The following RGS9 variants were observed in gnomAD, a reference collection of about 807,000 sequenced individuals.
RGS9 encodes the protein regulator of G protein signaling 9.
A neutral mutation model predicts 102.0 loss-of-function variants in RGS9; 78 were observed. The observed-to-expected ratio is 0.76, with a 90% CI of 0.64 to 0.92. The LOEUF is 0.92. Ranked by LOEUF, RGS9 falls within the 40% of genes least tolerant of loss-of-function variation. The pLI, the probability that RGS9 is intolerant of heterozygous loss-of-function variation, is 0.00. For synonymous variants in RGS9, 353 were observed against 318.6 expected, an observed-to-expected ratio of 1.11 and a Z score of -1.15; for missense variants, 833 against 866.1, an observed-to-expected ratio of 0.96 and a Z score of 0.48.
chr17:65,199,361 C>T (rs575676203), intron 13 of RGS9, among the ~76,000 whole-genome samples: 5 of 152,214 alleles, frequency 3.3e-5, no homozygotes, highest in African/African-American at 4.8e-5. Flanking sequence ...TCTACCCCTA[C>T]GGATTCACCT....
intron 8 of RGS9, among the ~76,000 whole-genome samples, chr17:65,169,829 C>A (rs914230578): frequency 1.3e-5 from 2 of 151,996 alleles, no homozygotes; most frequent in Non-Finnish European, 2.9e-5. Context: ...TGCCTCCCCC[C>A]CAGCCCATCT....
rs146288731 is a variant in RGS9, at chr17:65,174,660, A to T, written c.583-3072A>T. ...CAGTATGCACGTGTGTGAGTGTGTGAATGTGTTATGTGTGAGCATGCATAT... is the reference window on the plus strand; with the variant it reads ...CAGTATGCACGTGTGTGAGTGTGTGTATGTGTTATGTGTGAGCATGCATAT... On this transcript the variant is annotated intron_variant, in intron 8 of 18. Coordinates refer to ENST00000262406, the MANE Select transcript of RGS9 (RefSeq NM_003835.4). Among the ~76,000 whole-genome samples the T allele has an allele frequency of 1.5e-4, 22 of 151,522 alleles. No homozygotes were observed. The East Asian group carries it at 4.3e-3, about 30-fold the overall frequency.
chr17:65,210,183 T>TA (rs753727738), intron 16 of RGS9, among the ~76,000 whole-genome samples: 14 of 152,200 alleles, frequency 9.2e-5, no homozygotes, highest in Non-Finnish European at 1.0e-4. Context: ...ATGAAGATGT[T>TA]ACAAAAAGTT....
At chr17:65,168,724 T>C (rs1431298111) in intron 8 of RGS9, among the ~76,000 whole-genome samples, 1 of 152,026 alleles carries the variant, frequency 6.6e-6, no homozygotes, top group Non-Finnish European at 1.5e-5. Flanking sequence ...CTTTTTCCTC[T>C]CCTAGATCCA....
intron 8 of RGS9, among the ~76,000 whole-genome samples, chr17:65,172,370 AT>A (rs992281090): frequency 6.6e-6 from 1 of 151,882 alleles, no homozygotes; most frequent in Non-Finnish European, 1.5e-5. Flanking sequence ...CACCTGGCTA[AT>A]TTTTGTATTT....
At chr17:65,200,947 A>G (rs190185770) in intron 13 of RGS9, among the ~76,000 whole-genome samples, 1 of 152,342 alleles carries the variant, frequency 6.6e-6, no homozygotes. Context: ...GGCCTCTGGT[A>G]AACAGTAGGC....
chr17:65,138,437 C>G (rs181992591), intron 1 of RGS9, among the ~76,000 whole-genome samples: 11 of 152,212 alleles, frequency 7.2e-5, no homozygotes, highest in Non-Finnish European at 1.6e-4. Context: ...TCTCCCTGAG[C>G]CCCTGGAGCT....
rs1358743775 is a variant in RGS9 at position 65,152,374 on chromosome 17, C to A, written c.58-1048C>A. The stretch of plus-strand genomic sequence containing the variant: ...GGAAGGGGGTCCCGAACATGTAGAC[C>A]AGTAGGGGAACTTTATCATTTACTT... On this transcript the variant is annotated intron_variant, in intron 1 of 18. Transcript: ENST00000262406. Among the ~76,000 whole-genome samples, 3 of 152,102 alleles carry A rather than the reference C, an allele frequency of 2.0e-5. No homozygotes were observed. In the East Asian group the frequency reaches 5.8e-4, roughly 29 times the overall value.
At chr17:65,189,114 A>G in intron 9 of RGS9, 172 bp from the exon 10 acceptor site, 1 of 631,132 alleles carries the variant, frequency 1.6e-6, no homozygotes, top group Non-Finnish European at 2.8e-6. Context: ...TTTATTCCCC[A>G]GGGGTTACAT....
chr17:65,137,780 G>C (rs929787284), intron 1 of RGS9, among the ~76,000 whole-genome samples, 183 bp downstream of exon 1: 3 of 152,190 alleles, frequency 2.0e-5, no homozygotes, highest in Non-Finnish European at 4.4e-5. Flanking sequence ...TTAGGTTTTC[G>C]TGTGCCCTGC....
intron 12 of RGS9, 32 bp from the exon 13 acceptor site, chr17:65,197,094 C>T (rs372850842): frequency 6.7e-5 from 103 of 1,533,022 alleles, no homozygotes; most frequent in Non-Finnish European, 8.1e-5. Context: ...CAACCGCTAC[C>T]TCTCTGGTGC....
Position 65,201,978 on chromosome 17 carries a change from C to G in RGS9, c.977-15C>G, listed in dbSNP as rs752487434. On this transcript the variant is annotated splice_polypyrimidine_tract_variant and intron_variant, in intron 13 of 18. Coordinates refer to ENST00000262406, the MANE Select transcript of RGS9 (RefSeq NM_003835.4). Reference sequence around the variant, plus strand: ...CCTGCCCGGCCCTCATCCACGTGGACTTCTCACCATGCAGGAGAGAATCTG... The same window carrying G: ...CCTGCCCGGCCCTCATCCACGTGGAGTTCTCACCATGCAGGAGAGAATCTG... 1.3e-6 allele frequency: 2 copies of G among 1,580,082 alleles called. No individual in the cohort carries two copies. The highest frequency in any genetic ancestry group is 2.7e-5 in the African/African-American group (2 of 74,308).
At chr17:65,144,914 AGT>A (rs1211277704) in intron 1 of RGS9, among the ~76,000 whole-genome samples, 1 of 152,140 alleles carries the variant, frequency 6.6e-6, no homozygotes, top group Non-Finnish European at 1.5e-5. Context: ...CTGAGATCAA[AGT>A]GTGGCACGGT....
intron 17 of RGS9, among the ~76,000 whole-genome samples, chr17:65,215,196 GGGTGGT>G (rs1286863340): frequency 6.6e-6 from 1 of 152,110 alleles, no homozygotes; most frequent in Non-Finnish European, 1.5e-5. Context: ...TGGATTAGGA[GGGTGGT>G]GGTGGGTTCA....
chr17:65,170,450 C>T (rs891918469), intron 8 of RGS9, among the ~76,000 whole-genome samples: 4 of 152,168 alleles, frequency 2.6e-5, no homozygotes, highest in Admixed American at 6.5e-5. Flanking sequence ...AAGGATGCTG[C>T]TAATTTGCCC....
chr17:65,200,455 C>T (rs1192455384), intron 13 of RGS9, among the ~76,000 whole-genome samples: 1 of 152,198 alleles, frequency 6.6e-6, no homozygotes, highest in Non-Finnish European at 1.5e-5. Context: ...CGAATAATTG[C>T]TTATTTAATT....
At position 65,202,408 on chromosome 17, in the gene RGS9, G is replaced by GGTGTGT. The variant is rs746368093; in HGVS notation, c.1064+360_1064+365dup. ...TAAAGCCTTCTTAGGTGTCCTGAGG[G>GGTGTGT]GTGTGTGTGTGTGTGTGTGTGTGTG... On this transcript the variant is annotated intron_variant, in intron 14 of 18. Transcript: ENST00000262406. Among the ~76,000 whole-genome samples, 754 of 132,266 alleles carry GGTGTGT rather than the reference G, an allele frequency of 5.7e-3. 9 individuals carry two copies. The highest frequency in any genetic ancestry group is 0.02 in the African/African-American group (640 of 31,996). The allele number at this position is 132,266 out of a possible 152,430, so 86.8% of individuals were successfully genotyped here. A position where few individuals can be genotyped will look rare whatever the true frequency, so the allele number is the denominator to read the frequency against.
In RGS9 at chr17:65,225,149, A is replaced by G. The variant is rs1208223489; in HGVS notation, c.1555A>G (p.Thr519Ala). ...CAGCCGCTTCATCCGGCGACCCAGC[A>G]CCACCATCTGCCCCTCACCCATCAG... ...SPSRFIRRPSTTICPSPIRVA... is the reference protein window; with the variant it reads ...SPSRFIRRPSATICPSPIRVA... Residue 519 changes from threonine (T) to alanine (A), a missense_variant, in exon 18 of 19, where the codon ACC becomes GCC. By Grantham distance (58) the Thr-to-Ala change is moderately conservative. This residue lies in a region of RGS9 where 320 missense variants were observed against 276.8 expected (regional missense o/e 1.16). Coordinates refer to ENST00000262406, the MANE Select transcript of RGS9 (RefSeq NM_003835.4). 1.2e-6 allele frequency: 2 copies of G among 1,613,656 alleles called. No individual in the cohort carries two copies. Among genetic ancestry groups the G allele is most frequent in the South Asian group, 2.2e-5 (2 of 91,082 alleles).
chr17:65,163,300 A>G (rs989900230), intron 7 of RGS9, among the ~76,000 whole-genome samples: 3 of 151,426 alleles, frequency 2.0e-5, no homozygotes, highest in Non-Finnish European at 4.4e-5. Context: ...TTGCCTCCCA[A>G]GTAGCTGAGA....
Sources: allele counts gnomAD v4.1 joint callset (sites outside exome capture counted in the v4.1 genomes callset), GRCh38; gene constraint gnomAD v4.1.1; regional missense constraint gnomAD v4.1.1; transcripts MANE v1.5; gene names NCBI Gene and HGNC (gene_info 2026-07-23, HGNC 2026-07-21).